Variants in CIMAP1A observed in about 807,000 individuals in gnomAD.
CIMAP1A encodes cancer/testis antigen 135.
At chr11:199,054 GC>G in the CIMAP1A span, 1 of 1,240,464 alleles carries the variant, frequency 8.1e-7, no homozygotes, top group Non-Finnish European at 1.0e-6. Flanking sequence ...GATTTTGCCA[GC>G]CCCAGGCCCT....
the CIMAP1A span, chr11:198,287 GGA>G: frequency 6.2e-7 from 1 of 1,613,994 alleles, no homozygotes; most frequent in Non-Finnish European, 8.5e-7. Context: ...CATTCCGAGT[GGA>G]CAGCACCCCA....
the CIMAP1A span, chr11:198,626 C>A: frequency 1.3e-6 from 2 of 1,564,392 alleles, no homozygotes; most frequent in South Asian, 2.4e-5. Flanking sequence ...TCACCCCCAA[C>A]CATCTGAACC....
the CIMAP1A span, chr11:199,519 G>A: frequency 2.6e-6 from 4 of 1,551,728 alleles, no homozygotes; most frequent in African/African-American, 5.5e-5. Context: ...GGTCCAGGAA[G>A]AGCACAGCTC....
chr11:198,039 A>C, the CIMAP1A span: 1 of 1,540,830 alleles, frequency 6.5e-7, no homozygotes, highest in Non-Finnish European at 8.7e-7. Context: ...CCCTGAAGTC[A>C]GCATTTCCAT....
At chr11:198,546 C>A in the CIMAP1A span, 4 of 1,612,588 alleles carry the variant, frequency 2.5e-6, no homozygotes, top group Non-Finnish European at 2.5e-6. Flanking sequence ...CCATCAAGGG[C>A]CGCAGCAAGC....
chr11:198,763 G>A, the CIMAP1A span: 1 of 1,441,798 alleles, frequency 6.9e-7, no homozygotes. Flanking sequence ...GGAGGGGCAG[G>A]CAACAGGCCA....
At chr11:198,440 T>C in the CIMAP1A span, 1 of 1,613,232 alleles carries the variant, frequency 6.2e-7, no homozygotes, top group Non-Finnish European at 8.5e-7. Flanking sequence ...TGTTCCGGCC[T>C]GAGGCTCCAC....
At chr11:199,793 T>G in the CIMAP1A span, 1 of 1,450,008 alleles carries the variant, frequency 6.9e-7, no homozygotes, top group Admixed American at 2.7e-5. Context: ...CAGCTACTAC[T>G]GCTGAGTGCT....
At chr11:197,415 T>C in the CIMAP1A span, 2 of 1,600,632 alleles carry the variant, frequency 1.2e-6, no homozygotes, top group Non-Finnish European at 1.7e-6. Flanking sequence ...CAACAACAGG[T>C]AAGAGCCTGA....
the CIMAP1A span, chr11:197,258 G>A: frequency 7.2e-7 from 1 of 1,394,612 alleles, no homozygotes; most frequent in Admixed American, 2.2e-5. Flanking sequence ...GACAGGGCCG[G>A]GCCTCCCAGC....
At chr11:197,189 C>T in the CIMAP1A span, 1 of 685,818 alleles carries the variant, frequency 1.5e-6, no homozygotes, top group South Asian at 2.1e-5. Flanking sequence ...GCAGGTTCCG[C>T]AGGTCTTACC....
the CIMAP1A span, chr11:199,341 G>A: frequency 2.1e-5 from 32 of 1,556,704 alleles, no homozygotes; most frequent in Non-Finnish European, 2.7e-5. Context: ...GGTAGGCCGA[G>A]TTGGTCTGAG....
the CIMAP1A span, chr11:198,376 C>T: frequency 2.4e-5 from 38 of 1,613,044 alleles, no homozygotes; most frequent in South Asian, 3.3e-4. Flanking sequence ...TGGGGCAGCC[C>T]GACGGCTGAT....
At chr11:198,133 T>G in the CIMAP1A span, 2 of 1,573,780 alleles carry the variant, frequency 1.3e-6, no homozygotes, top group Non-Finnish European at 1.7e-6. Flanking sequence ...GAGTCCTCCT[T>G]GAGCCCCCAA....
the CIMAP1A span, chr11:196,764 C>G: frequency 6.6e-6 from 1 of 151,572 alleles, no homozygotes; most frequent in Non-Finnish European, 1.5e-5. Flanking sequence ...TGGGGGACCT[C>G]TCCCCAATTC....
the CIMAP1A span, chr11:198,052 T>C: frequency 6.5e-7 from 1 of 1,542,892 alleles, no homozygotes; most frequent in Non-Finnish European, 8.7e-7. Context: ...ATTTCCATCC[T>C]GGACACCCCC....
chr11:198,758 G>A, the CIMAP1A span: 2 of 1,444,758 alleles, frequency 1.4e-6, no homozygotes, highest in Non-Finnish European at 1.8e-6. Context: ...GGTGAGGAGG[G>A]GCAGGCAACA....
At chr11:198,391 A>T in the CIMAP1A span, 1 of 1,613,212 alleles carries the variant, frequency 6.2e-7, no homozygotes, top group South Asian at 1.1e-5. Flanking sequence ...GCTGATCTCC[A>T]GAGTTGGGGG....
chr11:197,172 T>G, the CIMAP1A span: 1 of 453,544 alleles, frequency 2.2e-6, no homozygotes, highest in Non-Finnish European at 3.9e-6. Context: ...TCCCCACTGA[T>G]GCTGCAGCAG....
Sources: allele counts gnomAD v4.1 joint callset, GRCh38; gene constraint gnomAD v4.1.1; transcripts MANE v1.5; gene names NCBI Gene and HGNC (gene_info 2026-07-23, HGNC 2026-07-21).